MAFF: variants seen among roughly 807,000 people sequenced by gnomAD.
MAFF encodes the protein transcription factor MafF.
MAFF carries 4 observed loss-of-function variants against 2.7 expected under a neutral mutation model. That is an observed-to-expected ratio of 1.48 (90% confidence interval 0.73 to 3.39). The LOEUF is 3.39. MAFF is among the 30% of genes most tolerant of loss of function. The probability of loss-of-function intolerance (pLI) is 0.01; values close to 1 mark genes in which losing one functional copy is unlikely to be tolerated. For synonymous variants in MAFF, 113 were observed against 119.4 expected, an observed-to-expected ratio of 0.95 and a Z score of 0.35; for missense variants, 190 against 246.6, an observed-to-expected ratio of 0.77 and a Z score of 1.54.
rs372940204 is a variant in MAFF at position 38,214,801 on chromosome 22, G to T, written c.418G>T (p.Val140Phe). 24 of 1,483,080 alleles carry T rather than the reference G, an allele frequency of 1.6e-5. No individual in the cohort carries two copies. The highest frequency in any genetic ancestry group is 2.9e-5 in the East Asian group (1 of 34,220). 91.9% of individuals were successfully genotyped at this position (1,483,080 alleles called of 1,614,324 possible). ...GGCGCCGGCCAGCGTCATCACCATCGTCAAGTCCACCCCGGGCTCGGGGTC... is the reference window on the plus strand; with the variant it reads ...GGCGCCGGCCAGCGTCATCACCATCTTCAAGTCCACCCCGGGCTCGGGGTC... ...LVAPASVITIVKSTPGSGSGP... is the reference protein window; with the variant it reads ...LVAPASVITIFKSTPGSGSGP... The change falls in exon 3 of 3, where the codon GTC becomes TTC. Residue 140 changes from valine (V) to phenylalanine (F), a missense_variant. Val to Phe is a conservative substitution (Grantham distance 50). Coordinates refer to ENST00000338483, the MANE Select transcript of MAFF (RefSeq NM_012323.4). The surrounding 1 kb of genome is among the most constrained non-coding windows in gnomAD (Gnocchi z 6.3).
chr22:38,206,957 A>G (rs2091056648), intron 1 of MAFF, among the ~76,000 whole-genome samples: 1 of 152,162 alleles, frequency 6.6e-6, no homozygotes, highest in South Asian at 2.1e-4. Context: ...AGCGGGCCCA[A>G]CACAAATCCT....
chr22:38,211,977 CCTTT>C (rs1451942822), intron 1 of MAFF, among the ~76,000 whole-genome samples: 4 of 152,240 alleles, frequency 2.6e-5, no homozygotes, highest in African/African-American at 7.2e-5. Context: ...AAAGCATCTT[CCTTT>C]GTTTTCTTTT....
At chr22:38,207,182 G>A (rs139658146) in intron 1 of MAFF, among the ~76,000 whole-genome samples, 10 of 151,600 alleles carry the variant, frequency 6.6e-5, no homozygotes, top group African/African-American at 1.2e-4. Context: ...GTGCAGTCGC[G>A]TAATCTCGGC....
chr22:38,213,758 T>C, intron 1 of MAFF, 65 bp from the exon 2 acceptor site: 1 of 1,218,982 alleles, frequency 8.2e-7, no homozygotes, highest in Non-Finnish European at 1.2e-6. Context: ...GGTAGTGAGT[T>C]TGGATTTTAT....
At position 38,215,495 on chromosome 22, in the gene MAFF, G is replaced by C. The variant is rs1038916506; in HGVS notation, c.*617G>C. ...TGTCCTCACTGCTGCCCTGAGTCCA[G>C]CCATGGTTTTCAGGGGGACAGTGGA... On this transcript the variant is annotated 3_prime_UTR_variant, in exon 3 of 3. Coordinates refer to ENST00000338483, the MANE Select transcript of MAFF (RefSeq NM_012323.4). 6.6e-5 allele frequency: 11 copies of C among 167,248 alleles called. No individual in the cohort carries two copies. The highest frequency in any genetic ancestry group is 2.7e-4 in the African/African-American group (11 of 41,466). 10.4% of individuals were successfully genotyped at this position (167,248 alleles called of 1,614,324 possible).
Position 38,214,225 on chromosome 22 carries a change from C to G in MAFF, c.37-195C>G, listed in dbSNP as rs2091124709. ...CGCTAGGTTAGAATTCAGGCTGAGC[C>G]CCGGGGTGGCCTCCTTTTGTGTCCC... On this transcript the variant is annotated intron_variant, in intron 2 of 2. Transcript: ENST00000338483. The surrounding 1 kb of genome is among the most constrained non-coding windows in gnomAD (Gnocchi z 6.3). 6.6e-6 allele frequency among the ~76,000 whole-genome samples: 1 copy of G among 152,258 alleles called. No individual in the cohort carries two copies. Among genetic ancestry groups the G allele is most frequent in the Non-Finnish European group, 1.5e-5 (1 of 68,046 alleles).
chr22:38,209,250 A>G (rs2091078337), intron 1 of MAFF, among the ~76,000 whole-genome samples: 1 of 151,754 alleles, frequency 6.6e-6, no homozygotes, highest in African/African-American at 2.4e-5. Flanking sequence ...ATTTTTTAGT[A>G]GAGACGGGGT....
In MAFF at chr22:38,215,004, T is replaced by A; in HGVS notation, c.*126T>A. On this transcript the variant is annotated 3_prime_UTR_variant, in exon 3 of 3. Coordinates refer to ENST00000338483, the MANE Select transcript of MAFF (RefSeq NM_012323.4). ...CACTGGCCCCTTGGTGCACACACATTCCCTTCGTGGGCCCTGTCTTCCTCT... is the reference window on the plus strand; with the variant it reads ...CACTGGCCCCTTGGTGCACACACATACCCTTCGTGGGCCCTGTCTTCCTCT... The A allele has an allele frequency of 2.8e-6, 2 of 725,650 alleles. No homozygotes were observed. The highest frequency in any genetic ancestry group is 3.2e-5 in the South Asian group (2 of 61,662). The allele number at this position is 725,650 out of a possible 1,614,324, so 45.0% of individuals were successfully genotyped here. A position where few individuals can be genotyped will look rare whatever the true frequency, so the allele number is the denominator to read the frequency against.
chr22:38,209,011 T>G (rs907122086), intron 1 of MAFF, among the ~76,000 whole-genome samples: 1 of 151,686 alleles, frequency 6.6e-6, no homozygotes, highest in Non-Finnish European at 1.5e-5. Context: ...GGGTCTGGAC[T>G]CCATCCTTAG....
At chr22:38,212,808 G>A (rs1342674440) in intron 1 of MAFF, among the ~76,000 whole-genome samples, 1 of 152,042 alleles carries the variant, frequency 6.6e-6, no homozygotes, top group Non-Finnish European at 1.5e-5. Flanking sequence ...TTTGTGTAAA[G>A]GCATTTACTG....
chr22:38,210,516 T>A (rs1319275021), intron 1 of MAFF, among the ~76,000 whole-genome samples: 1 of 151,892 alleles, frequency 6.6e-6, no homozygotes, highest in Non-Finnish European at 1.5e-5. Flanking sequence ...GGAGCTGGCA[T>A]TCTAATCGGG....
At chr22:38,210,313 T>A (rs2091088531) in intron 1 of MAFF, among the ~76,000 whole-genome samples, 1 of 152,154 alleles carries the variant, frequency 6.6e-6, no homozygotes, top group African/African-American at 2.4e-5. Flanking sequence ...TCCTTCCCTG[T>A]GAGCTGCCAG....
chr22:38,213,019 T>C (rs2146021846), intron 1 of MAFF, among the ~76,000 whole-genome samples: 1 of 150,746 alleles, frequency 6.6e-6, no homozygotes, highest in African/African-American at 2.4e-5. Context: ...AAACTAAAAA[T>C]ACAAAAAATT....
intron 1 of MAFF, among the ~76,000 whole-genome samples, chr22:38,209,295 T>G (rs1292348950): frequency 6.6e-6 from 1 of 151,774 alleles, no homozygotes; most frequent in Non-Finnish European, 1.5e-5. Context: ...TCAATCTCCT[T>G]ACCTTGTGAT....
Position 38,214,003 on chromosome 22 carries a change from C to A in MAFF, c.36+114C>A. The A allele has an allele frequency of 8.7e-7, 1 of 1,147,422 alleles. No individual in the cohort carries two copies. Among genetic ancestry groups the A allele is most frequent in the Non-Finnish European group, 1.3e-6 (1 of 778,886 alleles). The allele number at this position is 1,147,422 out of a possible 1,614,324, so 71.1% of individuals were successfully genotyped here. A position where few individuals can be genotyped will look rare whatever the true frequency, so the allele number is the denominator to read the frequency against. On this transcript the variant is annotated intron_variant, in intron 2 of 2. Transcript: ENST00000338483. This position sits in a 1 kb window ranked among gnomAD's most constrained non-coding sequence, Gnocchi z 6.3. ...AATCCCCTGGGTGGCTCAGCAGGCA[C>A]CAGGCCTTCATGATGCCAAAGGGAA...
rs972927552 is a variant in MAFF, at chr22:38,202,088, G to A, written c.-156G>A. ...CTCAGCGCAGCGCTCCCGGGCGCCC[G>A]GTTCAGAGCGACCTGCGGCTCAGAG... On this transcript the variant is annotated 5_prime_UTR_variant, in exon 1 of 3. Transcript: ENST00000338483. The surrounding 1 kb of genome is among the most constrained non-coding windows in gnomAD (Gnocchi z 7.4). 2 of 152,268 alleles carry A rather than the reference G, an allele frequency of 1.3e-5. No homozygotes were observed. Among genetic ancestry groups the A allele is most frequent in the South Asian group, 2.1e-4 (1 of 4,840 alleles). The allele number at this position is 152,268 out of a possible 1,614,324, so 9.4% of individuals were successfully genotyped here.
At chr22:38,208,572 G>A (rs569379019) in intron 1 of MAFF, among the ~76,000 whole-genome samples, 122 of 152,308 alleles carry the variant, frequency 8.0e-4, no homozygotes, top group African/African-American at 2.7e-3. Flanking sequence ...TGACAAGCTG[G>A]GTGATGGCGT....
At chr22:38,213,253 A>G (rs2091115990) in intron 1 of MAFF, among the ~76,000 whole-genome samples, 1 of 151,098 alleles carries the variant, frequency 6.6e-6, no homozygotes, top group African/African-American at 2.4e-5. Flanking sequence ...TCAAAGGCAC[A>G]TGTCCAAGCC....
In MAFF at chr22:38,202,805, A is replaced by C. The variant is rs1210606600; in HGVS notation, c.-32+593A>C. ...GGCCGGCCACCGGAGTAAACGCGGA[A>C]CAAGGACCCGAGCGAAGGAAGCGGA... On this transcript the variant is annotated intron_variant, in intron 1 of 2. Transcript: ENST00000338483. The surrounding 1 kb of genome is among the most constrained non-coding windows in gnomAD (Gnocchi z 7.4). 6.6e-6 allele frequency: 1 copy of C among 152,060 alleles called. No individual in the cohort carries two copies. The highest frequency in any genetic ancestry group is 2.0e-4 in the East Asian group (1 of 5,126). 9.4% of individuals were successfully genotyped at this position (152,060 alleles called of 1,614,324 possible).
Sources: allele counts gnomAD v4.1 joint callset (sites outside exome capture counted in the v4.1 genomes callset), GRCh38; gene constraint gnomAD v4.1.1; non-coding constraint Gnocchi (gnomAD v3.1); transcripts MANE v1.5; gene names NCBI Gene and HGNC (gene_info 2026-07-23, HGNC 2026-07-21).